RNF130: variants seen among roughly 807,000 people sequenced by gnomAD.
The protein encoded by RNF130 is E3 ubiquitin-protein ligase RNF130.
A neutral mutation model predicts 44.6 loss-of-function variants in RNF130; 21 were observed. That is an observed-to-expected ratio of 0.47 (90% CI 0.33 to 0.68). RNF130 has a LOEUF of 0.68. RNF130 is among the 30% of genes least tolerant of loss of function. The probability of loss-of-function intolerance (pLI) is 0.02; values close to 1 mark genes in which losing one functional copy is unlikely to be tolerated. For missense variants in RNF130, 479 were observed against 560.6 expected (o/e 0.85, Z 1.47); for synonymous variants, 214 against 210.4 (o/e 1.02, Z -0.15).
At chr5:179,986,428 T>C (rs542154768) in intron 3 of RNF130, among the ~76,000 whole-genome samples, 94 of 152,282 alleles carry the variant, frequency 6.2e-4, no homozygotes, top group Admixed American at 1.9e-3. Flanking sequence ...GGTCCCATGG[T>C]GTAATATTCA....
chr5:180,056,951 A>G (rs1390613541), intron 1 of RNF130, among the ~76,000 whole-genome samples: 3 of 152,246 alleles, frequency 2.0e-5, no homozygotes, highest in Non-Finnish European at 4.4e-5. Flanking sequence ...TTGTGATATA[A>G]TAAGAAATAC....
intron 1 of RNF130, among the ~76,000 whole-genome samples, chr5:180,045,392 G>A (rs1295397627): frequency 7.9e-5 from 12 of 152,172 alleles, no homozygotes; most frequent in Non-Finnish European, 1.5e-5. Context: ...TGGTCTCACT[G>A]ACTTCAAGAG....
intron 7 of RNF130, among the ~76,000 whole-genome samples, chr5:179,947,420 C>T (rs563801829): frequency 6.6e-6 from 1 of 152,174 alleles, no homozygotes; most frequent in African/African-American, 2.4e-5. Context: ...TCATGCTCTG[C>T]ACACTAGGGG....
chr5:180,071,292 C>T (rs1370922095), intron 1 of RNF130, among the ~76,000 whole-genome samples, 164 bp downstream of exon 1: 2 of 152,244 alleles, frequency 1.3e-5, no homozygotes, highest in African/African-American at 4.8e-5. Context: ...CTGGTTCCCA[C>T]GGGAGCAGGC....
intron 7 of RNF130, among the ~76,000 whole-genome samples, chr5:179,932,121 A>C (rs1353687755): frequency 6.6e-6 from 1 of 152,170 alleles, no homozygotes. Context: ...CTTTTGTACC[A>C]TTAAAAAAAT....
chr5:179,916,687 C>T (rs1198038211), exon 8 of RNF130: 2 of 152,438 alleles, frequency 1.3e-5, no homozygotes, highest in Non-Finnish European at 2.9e-5. Context: ...AAGCAAGGCT[C>T]ATCAGGGTTG....
rs1466439795 is a variant in RNF130 at position 180,012,960 on chromosome 5, AT to A, written c.693+100del. On this transcript the variant is annotated intron_variant, in intron 3 of 8. Transcript: ENST00000521389. ...AAAATGACTGAGTGAGGGTAACAAC[AT>A]TTTTTAAAAGAAAAAACATGTTAGT... 3.6e-6 allele frequency: 5 copies of A among 1,388,778 alleles called. No homozygotes were observed. In the African/African-American group the frequency reaches 4.3e-5, roughly 12 times the overall value. The allele number at this position is 1,388,778 out of a possible 1,614,324, so 86.0% of individuals were successfully genotyped here. A position where few individuals can be genotyped will look rare whatever the true frequency, so the allele number is the denominator to read the frequency against.
chr5:179,926,321 T>A (rs1218169587), intron 7 of RNF130, among the ~76,000 whole-genome samples: 2 of 152,338 alleles, frequency 1.3e-5, no homozygotes, highest in Admixed American at 1.3e-4. Context: ...CTGACACGTC[T>A]CTTCATCTGT....
intron 6 of RNF130, 116 bp downstream of exon 6, chr5:179,970,294 C>T (rs1762551512): frequency 2.9e-6 from 2 of 681,944 alleles, no homozygotes; most frequent in Admixed American, 6.2e-5. Context: ...GCAAATATAG[C>T]CAGTGTTTTC....
chr5:179,985,773 T>C (rs1762939594), intron 3 of RNF130, among the ~76,000 whole-genome samples: 1 of 152,222 alleles, frequency 6.6e-6, no homozygotes, highest in Non-Finnish European at 1.5e-5. Flanking sequence ...ACAAAACAAA[T>C]GCCTGAAGTC....
intron 3 of RNF130, among the ~76,000 whole-genome samples, chr5:179,990,714 A>C (rs1220015056): frequency 6.6e-6 from 1 of 152,220 alleles, no homozygotes; most frequent in Non-Finnish European, 1.5e-5. Context: ...CGCTAGACCA[A>C]GGAGCCCTCT....
intron 7 of RNF130, among the ~76,000 whole-genome samples, chr5:179,937,974 GAGAC>G (rs1311260433): frequency 6.6e-6 from 1 of 150,972 alleles, no homozygotes; most frequent in Non-Finnish European, 1.5e-5. Flanking sequence ...GAGAGAGACA[GAGAC>G]AGACAGGGTC....
chr5:180,024,582 CTT>C, intron 2 of RNF130, among the ~76,000 whole-genome samples: 1 of 152,050 alleles, frequency 6.6e-6, no homozygotes, highest in Non-Finnish European at 1.5e-5. Flanking sequence ...TTATACCTGT[CTT>C]TGAAAAATGA....
At chr5:180,050,667 G>A (rs545678987) in intron 1 of RNF130, among the ~76,000 whole-genome samples, 19 of 152,256 alleles carry the variant, frequency 1.2e-4, no homozygotes, top group African/African-American at 4.6e-4. Context: ...TTCTTTCAAT[G>A]AGGATCTGTT....
At chr5:180,033,249 T>G (rs945543577) in intron 2 of RNF130, among the ~76,000 whole-genome samples, 4 of 152,226 alleles carry the variant, frequency 2.6e-5, no homozygotes, top group African/African-American at 9.6e-5. Context: ...CCCAAAGTGT[T>G]GGGATTACAG....
Position 179,931,424 on chromosome 5 carries a change from G to GT in RNF130, c.1151-10999dup, listed in dbSNP as rs113708481. 1.3e-4 allele frequency among the ~76,000 whole-genome samples: 19 copies of GT among 151,494 alleles called. No individual in the cohort carries two copies. In the South Asian group the frequency reaches 2.1e-3, roughly 17 times the overall value. ...TTTAAGTGTAGCTTTTTTGTTTTTT[G>GT]TTTTTTTTCTTTTTTGTTGGCAGTA... On this transcript the variant is annotated intron_variant, in intron 7 of 7. Transcript: ENST00000522208.
intron 4 of RNF130, among the ~76,000 whole-genome samples, chr5:179,978,602 C>T (rs1473046211): frequency 6.6e-6 from 1 of 152,146 alleles, no homozygotes; most frequent in African/African-American, 2.4e-5. Flanking sequence ...ATCCCTCATT[C>T]CCCCTGCATT....
chr5:180,007,255 G>T (rs917261558), intron 3 of RNF130, among the ~76,000 whole-genome samples: 3 of 152,078 alleles, frequency 2.0e-5, no homozygotes, highest in Non-Finnish European at 4.4e-5. Context: ...ACAAAAATTA[G>T]CCAGGCATGG....
At chr5:180,046,238 C>G (rs943040415) in intron 1 of RNF130, among the ~76,000 whole-genome samples, 16 of 152,176 alleles carry the variant, frequency 1.1e-4, no homozygotes, top group African/African-American at 2.4e-5. Flanking sequence ...AAGCTCACAC[C>G]CACGCAGAAC....
Sources: gnomAD v4.1 joint callset for allele counts (sites outside exome capture counted in the v4.1 genomes callset) on GRCh38, gnomAD v4.1.1 for gene constraint, MANE v1.5 for transcripts, NCBI Gene and HGNC (gene_info 2026-07-23, HGNC 2026-07-21) for gene names.